Variants in SPATA6L observed in about 807,000 individuals in gnomAD.
SPATA6L encodes spermatogenesis associated 6-like protein.
A neutral mutation model predicts 49.2 loss-of-function variants in SPATA6L; 68 were observed. The observed-to-expected ratio is 1.38, with a 90% confidence interval of 1.14 to 1.69. The LOEUF (loss-of-function observed/expected upper bound fraction) is 1.69. Among genes scored for constraint, SPATA6L ranks in the 40% most tolerant of loss-of-function variants. The probability of loss-of-function intolerance (pLI) is 0.00; values close to 1 mark genes in which losing one functional copy is unlikely to be tolerated. For missense variants in SPATA6L, 668 were observed against 464.3 expected (o/e 1.44, Z -4.03); for synonymous variants, 198 against 165.7 (o/e 1.19, Z -1.50).
chr9:4,621,498 T>A (rs1829288978), intron 7 of SPATA6L, among the ~76,000 whole-genome samples: 1 of 152,122 alleles, frequency 6.6e-6, no homozygotes, highest in Non-Finnish European at 1.5e-5. Flanking sequence ...ATTCTTTTTT[T>A]TTTTTTTAAG....
intron 2 of SPATA6L, among the ~76,000 whole-genome samples, chr9:4,659,556 A>C (rs1232337823): frequency 6.6e-6 from 1 of 152,208 alleles, no homozygotes; most frequent in East Asian, 1.9e-4. Flanking sequence ...AGAAGATTCC[A>C]TGCTCATGGA....
At chr9:4,602,138 C>G (rs148709105) in intron 11 of SPATA6L, among the ~76,000 whole-genome samples, 2 of 143,224 alleles carry the variant, frequency 1.4e-5, no homozygotes, top group East Asian at 4.5e-4. Context: ...AAAGAATTGA[C>G]GTTTTTTTTT....
Position 4,662,299 on chromosome 9 carries a change from G to C in SPATA6L, c.40-263C>G, listed in dbSNP as rs1839990355. ...CCCCGCCCCTCCGGGATGGTAGTGC[G>C]GAAGCGGAAGAGGCTGCAGGGCCGG... On this transcript the variant is annotated intron_variant, in intron 1 of 11. Coordinates refer to ENST00000682582, the MANE Select transcript of SPATA6L (RefSeq NM_001353486.2). This position sits in a 1 kb window ranked among gnomAD's most constrained non-coding sequence, Gnocchi z 4.9. The C allele has an allele frequency of 2.1e-6, 3 of 1,434,940 alleles. No individual in the cohort carries two copies. The highest frequency in any genetic ancestry group is 3.0e-5 in the South Asian group (2 of 67,730). The allele number at this position is 1,434,940 out of a possible 1,614,324, so 88.9% of individuals were successfully genotyped here.
chr9:4,608,854 G>A (rs1825967319), intron 9 of SPATA6L, among the ~76,000 whole-genome samples: 1 of 152,070 alleles, frequency 6.6e-6, no homozygotes, highest in Non-Finnish European at 1.5e-5. Context: ...AATGAATCCA[G>A]GATCTGGTTT....
chr9:4,652,710 G>A (rs1837200164), intron 3 of SPATA6L, among the ~76,000 whole-genome samples: 1 of 151,774 alleles, frequency 6.6e-6, no homozygotes, highest in African/African-American at 2.4e-5. Flanking sequence ...GCGTGGTGGT[G>A]CATGCCTGTA....
At chr9:4,632,620 G>C (rs551103958) in intron 4 of SPATA6L, among the ~76,000 whole-genome samples, 116 of 151,676 alleles carry the variant, frequency 7.6e-4, no homozygotes, top group African/African-American at 2.6e-3. Context: ...AATTAAGTGT[G>C]TTACTCTTTC....
At chr9:4,603,556 T>C (rs1432404389) in intron 11 of SPATA6L, among the ~76,000 whole-genome samples, 1 of 152,142 alleles carries the variant, frequency 6.6e-6, no homozygotes, top group Non-Finnish European at 1.5e-5. Flanking sequence ...ACCTAGTACA[T>C]GTGTTTGCAA....
At chr9:4,656,681 A>C (rs558652639) in intron 2 of SPATA6L, among the ~76,000 whole-genome samples, 9 of 152,350 alleles carry the variant, frequency 5.9e-5, no homozygotes, top group African/African-American at 2.2e-4. Context: ...GAAAATTTCA[A>C]TTAGCTAAAT....
chr9:4,635,386 C>T lies in SPATA6L; in HGVS notation c.240G>A (p.Leu80=). 2 of 1,585,034 alleles carry T rather than the reference C, an allele frequency of 1.3e-6. No homozygotes were observed. Among genetic ancestry groups the T allele is most frequent in the South Asian group, 1.2e-5 (1 of 86,282 alleles). ...CTCGTGTGTTTTCTTCGTAGTAGGC[C>T]AACTCATCCCACACTAGAAAGAAAA... ...VVDLLEMWDE[L]AYYEENTRDF... The change falls in exon 4 of 12, where the codon TTG becomes TTA. Residue 80 remains leucine, a synonymous_variant. Transcript: ENST00000682582.
chr9:4,596,846 A>G (rs1358340125), downstream of SPATA6L, among the ~76,000 whole-genome samples: 2 of 152,182 alleles, frequency 1.3e-5, no homozygotes, highest in Non-Finnish European at 2.9e-5. Context: ...TGGAAACAAG[A>G]CAGAGCAGGG....
chr9:4,660,572 C>T (rs1839395968), intron 2 of SPATA6L, among the ~76,000 whole-genome samples: 2 of 152,220 alleles, frequency 1.3e-5, no homozygotes, highest in African/African-American at 4.8e-5. Flanking sequence ...AACACCTTTA[C>T]ACTGTTGGTG....
At chr9:4,611,201 G>C (rs1313900978) in intron 9 of SPATA6L, among the ~76,000 whole-genome samples, 1 of 145,832 alleles carries the variant, frequency 6.9e-6, no homozygotes, top group Non-Finnish European at 1.5e-5. Flanking sequence ...CTGTTGGTGG[G>C]ACTGTAAACT....
Position 4,630,618 on chromosome 9 carries a change from T to C in SPATA6L, c.352-1450A>G, listed in dbSNP as rs1312702310. 2.0e-5 allele frequency among the ~76,000 whole-genome samples: 3 copies of C among 152,230 alleles called. No homozygotes were observed. In the East Asian group the frequency reaches 5.8e-4, roughly 29 times the overall value. On this transcript the variant is annotated intron_variant, in intron 4 of 11. Coordinates refer to ENST00000682582, the MANE Select transcript of SPATA6L (RefSeq NM_001353486.2). ...CTAACTCCTCCAGGTAAGCCCATAGTAGTCTCTCCCTCCAGTCTCTAATAT... is the reference window on the plus strand; with the variant it reads ...CTAACTCCTCCAGGTAAGCCCATAGCAGTCTCTCCCTCCAGTCTCTAATAT...
intron 1 of SPATA6L, chr9:4,663,955 G>A (rs769625668): frequency 1.4e-4 from 23 of 166,954 alleles, no homozygotes; most frequent in Non-Finnish European, 3.2e-4. Flanking sequence ...AGATCTTTAT[G>A]CATTTCCCAC....
intron 3 of SPATA6L, among the ~76,000 whole-genome samples, chr9:4,637,421 T>C (rs1196174753): frequency 6.6e-6 from 1 of 152,230 alleles, no homozygotes; most frequent in Non-Finnish European, 1.5e-5. Flanking sequence ...TTACCACTAA[T>C]TGATATTTTT....
chr9:4,591,440 T>C (rs566965929), intron 13 of SPATA6L, among the ~76,000 whole-genome samples: 2 of 152,244 alleles, frequency 1.3e-5, no homozygotes, highest in East Asian at 1.9e-4. Flanking sequence ...TTTAGGAAAC[T>C]AGGCAGGTCT....
intron 11 of SPATA6L, 125 bp downstream of exon 11, chr9:4,604,054 C>G: frequency 1.6e-6 from 1 of 614,678 alleles, no homozygotes; most frequent in East Asian, 2.9e-5. Flanking sequence ...GTTCTCAGGT[C>G]TCCTCCAAGT....
intron 1 of SPATA6L, chr9:4,664,100 C>T (rs1840483398): frequency 6.0e-6 from 1 of 167,048 alleles, no homozygotes; most frequent in African/African-American, 2.4e-5. Context: ...TTTTTGTTTA[C>T]AACGTAACAT....
intron 3 of SPATA6L, among the ~76,000 whole-genome samples, chr9:4,639,116 C>A (rs1260533184): frequency 6.6e-6 from 1 of 152,176 alleles, no homozygotes; most frequent in Non-Finnish European, 1.5e-5. Context: ...ATGACAAAGC[C>A]ATGTAGAATG....
Sources: allele counts gnomAD v4.1 joint callset (sites outside exome capture counted in the v4.1 genomes callset), GRCh38; gene constraint gnomAD v4.1.1; non-coding constraint Gnocchi (gnomAD v3.1); transcripts MANE v1.5; gene names NCBI Gene and HGNC (gene_info 2026-07-23, HGNC 2026-07-21).